The following RPS6KC1 variants were observed in gnomAD, a reference collection of about 807,000 sequenced individuals.
RPS6KC1 encodes the protein ribosomal protein S6 kinase C1.
In RPS6KC1, 54 loss-of-function variants were observed where a neutral mutation model predicts 103.8. That is an observed-to-expected ratio of 0.52 (90% CI 0.42 to 0.65). The LOEUF is 0.65. Ranked by LOEUF, RPS6KC1 falls within the 30% of genes least tolerant of loss-of-function variation. The pLI is 0.00. For missense variants in RPS6KC1, 1,151 were observed against 1,253.8 expected (o/e 0.92, Z 1.24); for synonymous variants, 439 against 438.7 (o/e 1.00, Z -0.01).
intron 1 of RPS6KC1, among the ~76,000 whole-genome samples, chr1:213,068,890 TGTG>T (rs1181227993): frequency 1.4e-5 from 2 of 147,406 alleles, no homozygotes; most frequent in African/African-American, 2.5e-5. Flanking sequence ...TGTGTGTGTG[TGTG>T]TGTGTGTGTG....
the RPS6KC1 span, among the ~76,000 whole-genome samples, chr1:213,761,354 G>A: frequency 6.6e-6 from 1 of 152,156 alleles, no homozygotes; most frequent in Non-Finnish European, 1.5e-5. Flanking sequence ...CGTGGCCACA[G>A]CAGCCAATAT....
chr1:213,773,648 T>C, the RPS6KC1 span, among the ~76,000 whole-genome samples: 1 of 151,956 alleles, frequency 6.6e-6, no homozygotes, highest in African/African-American at 2.4e-5. Flanking sequence ...AAGTTTAAAA[T>C]TCGTAAGGCG....
chr1:213,117,553 A>G (rs1236822239), intron 5 of RPS6KC1, 143 bp downstream of exon 5: 5 of 530,290 alleles, frequency 9.4e-6, no homozygotes, highest in African/African-American at 2.0e-5. Context: ...TTTACATTTT[A>G]TTATCACTGA....
At chr1:213,108,620 A>G in intron 4 of RPS6KC1, among the ~76,000 whole-genome samples, 1 of 150,894 alleles carries the variant, frequency 6.6e-6, no homozygotes, top group Non-Finnish European at 1.5e-5. Flanking sequence ...AAAAATTCTC[A>G]TAGAATTTTA....
At chr1:213,569,052 T>C in the RPS6KC1 span, among the ~76,000 whole-genome samples, 1 of 152,138 alleles carries the variant, frequency 6.6e-6, no homozygotes, top group South Asian at 2.1e-4. Context: ...CTCCCCAGTG[T>C]ACTTCCCACT....
intron 10 of RPS6KC1, among the ~76,000 whole-genome samples, chr1:213,239,584 T>C (rs889929918): frequency 6.6e-6 from 1 of 152,168 alleles, no homozygotes; most frequent in Admixed American, 6.6e-5. Flanking sequence ...TGTCAGTGGT[T>C]ATTTTCCTTA....
At chr1:213,243,196 T>G (rs1326539431) in intron 12 of RPS6KC1, among the ~76,000 whole-genome samples, 1 of 151,986 alleles carries the variant, frequency 6.6e-6, no homozygotes, top group East Asian at 1.9e-4. Context: ...AGAGATGAGG[T>G]CTTTCTGTTG....
chr1:213,692,604 G>A, the RPS6KC1 span, among the ~76,000 whole-genome samples: 4 of 152,200 alleles, frequency 2.6e-5, no homozygotes, highest in African/African-American at 4.8e-5. Flanking sequence ...CCAGCACTTC[G>A]GAGGGGCCAC....
rs869154560 is a variant in RPS6KC1, at chr1:213,137,799, ATTTTTTTTT to A, written c.835+7929_835+7937del. On this transcript the variant is annotated intron_variant, in intron 6 of 14. Transcript: ENST00000366960. ...TCTCTATATATATATATATATATAT[ATTTTTTTTT>A]TTTTTTTTTTTTTTTTTTCCTTCCC... is the stretch of plus-strand genomic sequence containing the variant. Among the ~76,000 whole-genome samples, 66 of 13,964 alleles carry A rather than the reference ATTTTTTTTT, an allele frequency of 4.7e-3. No homozygotes were observed. The East Asian group carries it at 0.052, about 11-fold the overall frequency. The allele number at this position is 13,964 out of a possible 152,430, so 9.2% of individuals were successfully genotyped here.
the RPS6KC1 span, among the ~76,000 whole-genome samples, chr1:213,777,622 A>C: frequency 6.6e-6 from 1 of 152,224 alleles, no homozygotes; most frequent in African/African-American, 2.4e-5. Flanking sequence ...GGTTGCCACA[A>C]ATCTTCATTT....
chr1:213,149,703 CT>C (rs2147874223), intron 6 of RPS6KC1, among the ~76,000 whole-genome samples: 1 of 151,788 alleles, frequency 6.6e-6, no homozygotes, highest in East Asian at 1.9e-4. Flanking sequence ...TTCTTTGTTG[CT>C]TTTTCTGTCT....
At chr1:213,328,721 T>A in the RPS6KC1 span, among the ~76,000 whole-genome samples, 1 of 151,682 alleles carries the variant, frequency 6.6e-6, no homozygotes, top group African/African-American at 2.4e-5. Context: ...GGGCCCTGTG[T>A]GACCTGACAC....
At chr1:213,833,311 G>A in the RPS6KC1 span, among the ~76,000 whole-genome samples, 967 of 152,286 alleles carry the variant, frequency 6.3e-3, 18 homozygotes, top group Non-Finnish European at 4.6e-3. Flanking sequence ...TGTACCCCAT[G>A]GATATCCAGA....
chr1:213,812,506 C>T, the RPS6KC1 span, among the ~76,000 whole-genome samples: 21 of 152,198 alleles, frequency 1.4e-4, no homozygotes, highest in South Asian at 2.5e-3. Flanking sequence ...TCTATGTGCC[C>T]GAGTAGCCTA....
chr1:213,061,076 T>C (rs2077794884), intron 1 of RPS6KC1, among the ~76,000 whole-genome samples: 1 of 152,140 alleles, frequency 6.6e-6, no homozygotes, highest in African/African-American at 2.4e-5. Flanking sequence ...GAGAGATCAT[T>C]GTCTTTTTCT....
chr1:213,287,652 G>A, the RPS6KC1 span, among the ~76,000 whole-genome samples: 1 of 152,162 alleles, frequency 6.6e-6, no homozygotes, highest in East Asian at 1.9e-4. Flanking sequence ...TTACAATCCG[G>A]TGGGATACAC....
intron 3 of RPS6KC1, among the ~76,000 whole-genome samples, chr1:213,098,023 CT>C (rs1220029410): frequency 3.3e-5 from 5 of 152,228 alleles, no homozygotes; most frequent in African/African-American, 1.2e-4. Flanking sequence ...CATGTGTTCA[CT>C]GGAGTAACAC....
At chr1:213,551,282 A>T in the RPS6KC1 span, among the ~76,000 whole-genome samples, 5 of 152,182 alleles carry the variant, frequency 3.3e-5, no homozygotes, top group African/African-American at 1.2e-4. Context: ...TCTGGCAAGG[A>T]CATAGGCTGT....
the RPS6KC1 span, among the ~76,000 whole-genome samples, chr1:213,599,594 A>T: frequency 2.0e-5 from 3 of 152,242 alleles, no homozygotes; most frequent in Non-Finnish European, 4.4e-5. Context: ...TAGTTTCTTG[A>T]AGGCAAAAAT....
Sources: gnomAD v4.1 joint callset for allele counts (sites outside exome capture counted in the v4.1 genomes callset) on GRCh38, gnomAD v4.1.1 for gene constraint, MANE v1.5 for transcripts, NCBI Gene and HGNC (gene_info 2026-07-23, HGNC 2026-07-21) for gene names.